The following PHACTR2 variants were observed in gnomAD, a reference collection of about 807,000 sequenced individuals.
The protein encoded by PHACTR2 is chromosome 6 open reading frame 56.
In PHACTR2, 30 loss-of-function variants were observed where a neutral mutation model predicts 76.0. The ratio of observed to expected loss-of-function variants is 0.39; its 90% CI spans 0.30 to 0.54. The LOEUF is 0.54. Ranked by LOEUF, PHACTR2 falls within the 20% of genes least tolerant of loss-of-function variation. The pLI, the probability that PHACTR2 is intolerant of heterozygous loss-of-function variation, is 0.61. For missense variants in PHACTR2, 696 were observed against 781.1 expected (o/e 0.89, Z 1.30); for synonymous variants, 292 against 292.5 (o/e 1.00, Z 0.02).
chr6:143,585,064 A>G lies in PHACTR2; in HGVS notation c.217+47857A>G, dbSNP rs1249453624. ...CATAACTCAAGTTGTTGGGGGACAC[A>G]TGACTATTTAAGCAGCAATTATGGA... On this transcript the variant is annotated intron_variant, in intron 1 of 11. Coordinates refer to the PHACTR2 transcript ENST00000367584. The surrounding 1 kb of genome is among the most constrained non-coding windows in gnomAD (Gnocchi z 5.2). Among the ~76,000 whole-genome samples, 1 of 151,600 alleles carries G rather than the reference A, an allele frequency of 6.6e-6. No homozygotes were observed. The highest frequency in any genetic ancestry group is 1.5e-5 in the Non-Finnish European group (1 of 67,984).
rs1775009833 is a variant in PHACTR2 at position 143,546,937 on chromosome 6, T to C, written c.217+9730T>C. Among the ~76,000 whole-genome samples, 1 of 151,934 alleles carries C rather than the reference T, an allele frequency of 6.6e-6. No homozygotes were observed. The highest frequency in any genetic ancestry group is 1.5e-5 in the Non-Finnish European group (1 of 67,998). ...CTGTAGTCCTTGCTACTCAGGAGGC[T>C]GAAGTGGAAAGATTGCTTGAATCCA... On this transcript the variant is annotated intron_variant, in intron 1 of 11. Transcript: ENST00000367584. The surrounding 1 kb of genome is among the most constrained non-coding windows in gnomAD (Gnocchi z 4.9).
chr6:143,564,540 G>A (rs149611158), intron 1 of PHACTR2, among the ~76,000 whole-genome samples: 1 of 152,062 alleles, frequency 6.6e-6, no homozygotes, highest in Non-Finnish European at 1.5e-5. Context: ...ATTCATTAGA[G>A]GGGGAAGCCT....
At chr6:143,790,504 G>A (rs890624339) in intron 11 of PHACTR2, among the ~76,000 whole-genome samples, 12 of 152,016 alleles carry the variant, frequency 7.9e-5, no homozygotes, top group African/African-American at 1.9e-4. Context: ...TTTGCCTTTC[G>A]TTCATTATGA....
intron 1 of PHACTR2, among the ~76,000 whole-genome samples, chr6:143,612,379 A>G (rs1263393286): frequency 6.6e-6 from 1 of 152,244 alleles, no homozygotes; most frequent in Admixed American, 6.5e-5. Flanking sequence ...GTTCCTGAAC[A>G]GCTAAAGATG....
chr6:143,608,040 G>A, upstream of PHACTR2: 1 of 514,428 alleles, frequency 1.9e-6, no homozygotes, highest in Non-Finnish European at 3.5e-6. The surrounding 1 kb of genome is among the most constrained non-coding windows in gnomAD (Gnocchi z 4.6). Context: ...CCCCTCCTTA[G>A]CTTAGAGCAG....
chr6:143,700,767 T>G lies in PHACTR2; in HGVS notation c.47-11249T>G, dbSNP rs1365900249. On this transcript the variant is annotated intron_variant, in intron 1 of 12. Transcript: ENST00000440869. This position sits in a 1 kb window ranked among gnomAD's most constrained non-coding sequence, Gnocchi z 4.1. ...CATTGGGGATATATCAGCTTTTTCT[T>G]CCTTTTCACAAACACAGCACACACT... Among the ~76,000 whole-genome samples the G allele has an allele frequency of 6.6e-6, 1 of 152,180 alleles. No individual in the cohort carries two copies. The highest frequency in any genetic ancestry group is 1.5e-5 in the Non-Finnish European group (1 of 68,042).
In PHACTR2 at chr6:143,554,166, G is replaced by A. The variant is rs1775133769; in HGVS notation, c.217+16959G>A. Among the ~76,000 whole-genome samples, 1 of 152,176 alleles carries A rather than the reference G, an allele frequency of 6.6e-6. No homozygotes were observed. The highest frequency in any genetic ancestry group is 2.1e-4 in the South Asian group (1 of 4,834). ...ATATCAACTTAGGAGTGAATCCACA[G>A]TATGCAGGGCTATGGTGTCTGCTTC... On this transcript the variant is annotated intron_variant, in intron 1 of 11. Transcript: ENST00000367584. The surrounding 1 kb of genome is among the most constrained non-coding windows in gnomAD (Gnocchi z 5.9).
At position 143,672,313 on chromosome 6, in the gene PHACTR2, T is replaced by G. The variant is rs1023183921; in HGVS notation, c.14-39703T>G. Among the ~76,000 whole-genome samples the G allele has an allele frequency of 6.6e-6, 1 of 151,830 alleles. No individual in the cohort carries two copies. The highest frequency in any genetic ancestry group is 2.4e-5 in the African/African-American group (1 of 41,306). ...AAAAAAAAAAAAAATTACAAATAATTAGCTGGGCATGGTGGCAGGCACCCA... is the reference window on the plus strand; with the variant it reads ...AAAAAAAAAAAAAATTACAAATAATGAGCTGGGCATGGTGGCAGGCACCCA... On this transcript the variant is annotated intron_variant, in intron 1 of 11. Coordinates refer to the PHACTR2 transcript ENST00000305766. The surrounding 1 kb of genome is among the most constrained non-coding windows in gnomAD (Gnocchi z 5.8).
intron 1 of PHACTR2, among the ~76,000 whole-genome samples, chr6:143,631,611 AG>A (rs1391340018): frequency 6.6e-6 from 1 of 152,154 alleles, no homozygotes; most frequent in Non-Finnish European, 1.5e-5. Flanking sequence ...TCACACTAAT[AG>A]GGAAAAGACA....
In PHACTR2 at chr6:143,585,159, G is replaced by GCAGGCTA. The variant is rs2128433611; in HGVS notation, c.217+47957_217+47963dup. Among the ~76,000 whole-genome samples, 1 of 152,244 alleles carries GCAGGCTA rather than the reference G, an allele frequency of 6.6e-6. No individual in the cohort carries two copies. The highest frequency in any genetic ancestry group is 1.9e-4 in the East Asian group (1 of 5,166). On this transcript the variant is annotated intron_variant, in intron 1 of 11. Coordinates refer to the PHACTR2 transcript ENST00000367584. The surrounding 1 kb of genome is among the most constrained non-coding windows in gnomAD (Gnocchi z 5.2). Reference sequence around the variant, plus strand: ...CAAGGGGGACCAGTGGAAGAGTCTAGCAGGCTACAGGGACAGAGAGTGGGG... The same window carrying GCAGGCTA: ...CAAGGGGGACCAGTGGAAGAGTCTAGCAGGCTACAGGCTACAGGGACAGAGAGTGGGG...
At chr6:143,815,543 A>C (rs1216782334) in intron 12 of PHACTR2, among the ~76,000 whole-genome samples, 1 of 152,246 alleles carries the variant, frequency 6.6e-6, no homozygotes, top group Non-Finnish European at 1.5e-5. Context: ...AGGGAAGTAC[A>C]AGAAAGTAAT....
At chr6:143,726,828 T>C (rs1488093644) in intron 2 of PHACTR2, among the ~76,000 whole-genome samples, 1 of 152,204 alleles carries the variant, frequency 6.6e-6, no homozygotes, top group Non-Finnish European at 1.5e-5. Flanking sequence ...TGATACATAA[T>C]ATTTGTGTAT....
intron 1 of PHACTR2, among the ~76,000 whole-genome samples, chr6:143,691,949 C>T (rs373022659): frequency 2.0e-5 from 3 of 152,240 alleles, no homozygotes; most frequent in Admixed American, 1.3e-4. Flanking sequence ...TTTTTATTTT[C>T]GCCTCTGTTT....
Position 143,580,487 on chromosome 6 carries a change from A to G in PHACTR2, c.217+43280A>G, listed in dbSNP as rs577020679. 6.6e-6 allele frequency among the ~76,000 whole-genome samples: 1 copy of G among 151,288 alleles called. No homozygotes were observed. The highest frequency in any genetic ancestry group is 2.1e-4 in the South Asian group (1 of 4,772). On this transcript the variant is annotated intron_variant, in intron 1 of 11. Transcript: ENST00000367584. This position sits in a 1 kb window ranked among gnomAD's most constrained non-coding sequence, Gnocchi z 4.2. ...GCGACAGAGCGAGACTCCGTCTCAA[A>G]CAAAACAAAACAAAACAAAACAAAA...
rs1013991820 is a variant in PHACTR2 at position 143,703,988 on chromosome 6, C to T, written c.47-8028C>T. On this transcript the variant is annotated intron_variant, in intron 1 of 12. Transcript: ENST00000440869. ...ATGTATCATATGTCTCTGATGAACA[C>T]AGTACTGATAATGAGAAAATTTTTC... Among the ~76,000 whole-genome samples, 7 of 152,100 alleles carry T rather than the reference C, an allele frequency of 4.6e-5. No individual in the cohort carries two copies. In the East Asian group the frequency reaches 1.3e-3, roughly 29 times the overall value.
intron 1 of PHACTR2, among the ~76,000 whole-genome samples, chr6:143,705,553 T>C (rs1050674636): frequency 1.1e-4 from 16 of 151,660 alleles, no homozygotes; most frequent in South Asian, 4.2e-4. Context: ...ACCTCAGCCT[T>C]CCAAAGTGCT....
chr6:143,665,918 A>G (rs1054415554), intron 1 of PHACTR2, among the ~76,000 whole-genome samples: 1 of 152,140 alleles, frequency 6.6e-6, no homozygotes, highest in African/African-American at 2.4e-5. Flanking sequence ...ACATGTGCAG[A>G]ATGTGCAGGT....
Position 143,689,817 on chromosome 6 carries a change from C to T in PHACTR2, c.46+11608C>T, listed in dbSNP as rs1245205479. 6.6e-6 allele frequency among the ~76,000 whole-genome samples: 1 copy of T among 151,870 alleles called. No homozygotes were observed. The highest frequency in any genetic ancestry group is 2.4e-5 in the African/African-American group (1 of 41,328). On this transcript the variant is annotated intron_variant, in intron 1 of 12. Coordinates refer to ENST00000440869, the MANE Select transcript of PHACTR2 (RefSeq NM_001100164.2). This position sits in a 1 kb window ranked among gnomAD's most constrained non-coding sequence, Gnocchi z 4.4. ...AAGTGATTCTCCTGCCTCAGCCTCC[C>T]GATTAGCTGGGATTACAGGCACCTG...
chr6:143,779,644 G>A (rs1026165226), intron 9 of PHACTR2, among the ~76,000 whole-genome samples: 11 of 151,954 alleles, frequency 7.2e-5, no homozygotes, highest in Admixed American at 1.3e-4. Context: ...CACCGTGCCC[G>A]GCCCTAACTA....
Sources: allele counts gnomAD v4.1 joint callset (sites outside exome capture counted in the v4.1 genomes callset), GRCh38; gene constraint gnomAD v4.1.1; non-coding constraint Gnocchi (gnomAD v3.1); transcripts MANE v1.5; gene names NCBI Gene and HGNC (gene_info 2026-07-23, HGNC 2026-07-21).